The following ADGB variants were observed in gnomAD, a reference collection of about 807,000 sequenced individuals.
The protein encoded by ADGB is calpain-7-like protein.
ADGB carries 172 observed loss-of-function variants against 210.5 expected under a neutral mutation model. The ratio of observed to expected loss-of-function variants is 0.82; its 90% CI spans 0.72 to 0.93. The LOEUF is 0.93. ADGB is among the 40% of genes least tolerant of loss of function. The pLI is 0.00. For missense variants in ADGB, 2,025 were observed against 1,964.8 expected (o/e 1.03, Z -0.58); for synonymous variants, 658 against 662.7 (o/e 0.99, Z 0.11).
rs115818749 is a variant in ADGB at position 146,652,868 on chromosome 6, C to A, written c.331-1267C>A. Among the ~76,000 whole-genome samples, 823 of 152,172 alleles carry A rather than the reference C, an allele frequency of 5.4e-3. 8 individuals carry two copies. The highest frequency in any genetic ancestry group is 0.018 in the African/African-American group (764 of 41,526). On this transcript the variant is annotated intron_variant, in intron 3 of 35. Transcript: ENST00000397944. ...ACGTTAACTAAGTTTTCAGGTTTAG[C>A]TTCAGTGGTTGATTTAGATTTTAAA...
chr6:146,691,437 TATATAAAAATATATATATATAA>T (rs1313326981), intron 11 of ADGB, 147 bp downstream of exon 11: 3 of 23,984 alleles, frequency 1.3e-4, no homozygotes, highest in African/African-American at 9.7e-4. Context: ...TATATATATA[TATATAAAAATATATATATATAA>T]AAATATATAT....
intron 29 of ADGB, among the ~76,000 whole-genome samples, chr6:146,779,800 G>A (rs76026072): frequency 0.025 from 3,684 of 149,544 alleles, 74 homozygotes; most frequent in African/African-American, 0.055. Context: ...AAAACAAACC[G>A]AAGCAGTTTG....
rs965795874 is a variant in ADGB, at chr6:146,815,324, C to T, written c.*107C>T. 83 of 876,470 alleles carry T rather than the reference C, an allele frequency of 9.5e-5. 1 individual carries two copies. Among genetic ancestry groups the T allele is most frequent in the East Asian group, 3.3e-4 (10 of 30,264 alleles). 54.3% of individuals were successfully genotyped at this position (876,470 alleles called of 1,614,324 possible). ...TTAGGCCAAATGAAAATAGAAATTT[C>T]TCTTTCTTAGAAATATTTTAATGCT... On this transcript the variant is annotated 3_prime_UTR_variant, in exon 36 of 36. Transcript: ENST00000397944.
chr6:146,671,676 G>A (rs1776010357), intron 7 of ADGB, among the ~76,000 whole-genome samples: 1 of 152,114 alleles, frequency 6.6e-6, no homozygotes, highest in East Asian at 1.9e-4. Flanking sequence ...GAGGAGAGCT[G>A]TGGGAAAAGA....
At chr6:146,772,032 T>C (rs1289378217) in intron 29 of ADGB, among the ~76,000 whole-genome samples, 2 of 152,276 alleles carry the variant, frequency 1.3e-5, no homozygotes, top group East Asian at 3.9e-4. Context: ...GTTATACCTG[T>C]CTCAATAAGC....
chr6:146,625,982 T>G (rs1365247900), intron 1 of ADGB, among the ~76,000 whole-genome samples: 2 of 152,072 alleles, frequency 1.3e-5, no homozygotes, highest in Non-Finnish European at 2.9e-5. Flanking sequence ...TCTCTCTTTC[T>G]TGTGTTCTTA....
At chr6:146,706,261 C>CTT (rs139087431) in intron 13 of ADGB, among the ~76,000 whole-genome samples, 44 of 142,586 alleles carry the variant, frequency 3.1e-4, no homozygotes, top group Middle Eastern at 3.7e-3. Context: ...TTTTCTTTTT[C>CTT]TTTTTTTTTT....
chr6:146,815,094 G>A lies in ADGB; in HGVS notation c.4881G>A (p.Leu1627=), dbSNP rs529151518. Residue 1627 remains leucine (L), a synonymous_variant, in exon 36 of 36, where the codon TTG becomes TTA. Transcript: ENST00000397944. ...TCCGGGAAGAGTACAGAAACAAATT[G>A]CTGGAAGCTGAGCACCTAAAGCTGG... ...FDIREEYRNK[L]LEAEHLKLET... The A allele has an allele frequency of 4.8e-5, 74 of 1,549,020 alleles. 1 individual carries two copies. The South Asian group carries it at 7.1e-4, about 15-fold the overall frequency.
At chr6:146,625,090 C>T (rs1476815778) in intron 1 of ADGB, among the ~76,000 whole-genome samples, 1 of 151,960 alleles carries the variant, frequency 6.6e-6, no homozygotes, top group African/African-American at 2.4e-5. Context: ...TTTGATGATA[C>T]TGTTCTATAT....
At chr6:146,738,223 C>T (rs746149681) in intron 23 of ADGB, among the ~76,000 whole-genome samples, 15 of 152,052 alleles carry the variant, frequency 9.9e-5, no homozygotes, top group Non-Finnish European at 2.1e-4. Context: ...AAGTACTTAG[C>T]ACAATGCCAC....
intron 27 of ADGB, 142 bp downstream of exon 27, chr6:146,752,856 G>C (rs1248158788): frequency 5.8e-6 from 4 of 684,946 alleles, no homozygotes; most frequent in African/African-American, 5.6e-5. Flanking sequence ...TACAAGTATA[G>C]CATTTGCATG....
intron 5 of ADGB, among the ~76,000 whole-genome samples, chr6:146,663,261 G>A (rs767984582): frequency 4.8e-5 from 7 of 146,868 alleles, no homozygotes; most frequent in Non-Finnish European, 1.0e-4. Context: ...AACAACTAAG[G>A]CTACTATACC....
chr6:146,709,351 C>T (rs999368842), intron 13 of ADGB, among the ~76,000 whole-genome samples: 1 of 152,160 alleles, frequency 6.6e-6, no homozygotes, highest in Non-Finnish European at 1.5e-5. Flanking sequence ...CTAATACTTG[C>T]AGACTGGCCT....
Position 146,717,843 on chromosome 6 carries a change from C to T in ADGB, c.1992+244C>T, listed in dbSNP as rs373915056. Reference sequence around the variant, plus strand: ...TGGCCTGAATTATTATACAAATTCACATTAAGAAAAATTTGAATTATGAAA... The same window carrying T: ...TGGCCTGAATTATTATACAAATTCATATTAAGAAAAATTTGAATTATGAAA... On this transcript the variant is annotated intron_variant, in intron 16 of 35. Coordinates refer to ENST00000397944, the MANE Select transcript of ADGB (RefSeq NM_024694.4). 3.5e-4 allele frequency among the ~76,000 whole-genome samples: 54 copies of T among 152,254 alleles called. 1 individual carries two copies. Among genetic ancestry groups the T allele is most frequent in the African/African-American group, 1.2e-3 (51 of 41,548 alleles).
chr6:146,765,339 G>A (rs1413977018), intron 28 of ADGB, among the ~76,000 whole-genome samples: 3 of 151,622 alleles, frequency 2.0e-5, no homozygotes, highest in Middle Eastern at 6.9e-3. Context: ...ATAGAATTGT[G>A]AGAATTTGAA....
intron 17 of ADGB, 55 bp downstream of exon 17, chr6:146,721,560 G>GGGAACATGGAATAATAAGATTTTTAGA (rs66503018): frequency 1.0e-5 from 10 of 974,406 alleles, no homozygotes; most frequent in South Asian, 1.4e-5. Flanking sequence ...GTTCAGGCTA[G>GGGAACATGGAATAATAAGATTTTTAGA]GGCGTGGTGG....
At chr6:146,733,073 C>T in intron 20 of ADGB, 47 bp from the exon 21 acceptor site, 1 of 1,356,342 alleles carries the variant, frequency 7.4e-7, no homozygotes, top group Non-Finnish European at 9.7e-7. Context: ...GCTTCTCTGG[C>T]CAGATGATGG....
intron 5 of ADGB, among the ~76,000 whole-genome samples, chr6:146,660,984 A>G (rs1280790627): frequency 1.3e-5 from 2 of 151,866 alleles, no homozygotes; most frequent in Non-Finnish European, 2.9e-5. Context: ...TTACTCCTGT[A>G]TGTTTCTTGG....
chr6:146,687,786 T>G (rs1562274487), intron 10 of ADGB, among the ~76,000 whole-genome samples: 1 of 151,884 alleles, frequency 6.6e-6, no homozygotes, highest in East Asian at 1.9e-4. Context: ...ATAAAGAAAA[T>G]AAAAAAGAAC....
Sources: allele counts gnomAD v4.1 joint callset (sites outside exome capture counted in the v4.1 genomes callset), GRCh38; gene constraint gnomAD v4.1.1; transcripts MANE v1.5; gene names NCBI Gene and HGNC (gene_info 2026-07-23, HGNC 2026-07-21).